FHOD3: variants seen among roughly 807,000 people sequenced by gnomAD.
The protein encoded by FHOD3 is formin homology 2 domain containing 3.
FHOD3 carries 90 observed loss-of-function variants against 173.0 expected under a neutral mutation model. That is an observed-to-expected ratio of 0.52 (90% CI 0.44 to 0.62). The LOEUF is 0.62. Among genes scored for constraint, FHOD3 ranks in the 20% least tolerant of loss-of-function variants. The pLI is 0.00. For missense variants in FHOD3, 1,945 were observed against 2,034.7 expected (o/e 0.96, Z 0.85); for synonymous variants, 828 against 823.0 (o/e 1.01, Z -0.10).
At chr18:36,338,196 A>T (rs1418274702) in intron 1 of FHOD3, among the ~76,000 whole-genome samples, 4 of 152,180 alleles carry the variant, frequency 2.6e-5, no homozygotes. Context: ...ATCATATTGC[A>T]TCTGAGGAAA....
At chr18:36,386,390 C>T (rs945586185) in intron 3 of FHOD3, among the ~76,000 whole-genome samples, 1 of 152,188 alleles carries the variant, frequency 6.6e-6, no homozygotes, top group South Asian at 2.1e-4. Context: ...CAGGTAGCGG[C>T]TCAGGGGCCT....
intron 3 of FHOD3, among the ~76,000 whole-genome samples, chr18:36,458,692 A>G (rs1371264684): frequency 7.1e-6 from 1 of 140,138 alleles, no homozygotes; most frequent in Non-Finnish European, 1.5e-5. Flanking sequence ...TTTTTTTGGA[A>G]AAATTTAAAC....
intron 5 of FHOD3, among the ~76,000 whole-genome samples, chr18:36,575,053 C>G (rs1056371315): frequency 5.9e-5 from 9 of 151,986 alleles, no homozygotes; most frequent in African/African-American, 2.2e-4. Context: ...TCACTGCCAC[C>G]TCCGCCTCCT....
At chr18:36,535,205 T>C (rs2056947467) in intron 5 of FHOD3, among the ~76,000 whole-genome samples, 2 of 152,136 alleles carry the variant, frequency 1.3e-5, no homozygotes, top group South Asian at 2.1e-4. Flanking sequence ...AGGTGAAATA[T>C]ATAGTTTTCA....
At chr18:36,453,260 T>C (rs1329567629) in intron 3 of FHOD3, among the ~76,000 whole-genome samples, 1 of 152,224 alleles carries the variant, frequency 6.6e-6, no homozygotes, top group Non-Finnish European at 1.5e-5. Context: ...CATCTCTGGG[T>C]ATAAAAATTT....
rs373907940 is a variant in FHOD3 at position 36,355,644 on chromosome 18, G to A, written c.271G>A (p.Gly91Arg). 47 of 1,613,516 alleles carry A rather than the reference G, an allele frequency of 2.9e-5. No homozygotes were observed. Among genetic ancestry groups the A allele is most frequent in the East Asian group, 1.8e-4 (8 of 44,874 alleles). Residue 91 changes from glycine (G) to arginine (R), a missense_variant and splice_region_variant, in exon 2 of 29, where the codon GGG (glycine) becomes AGG (arginine). Around this residue, in one of 5 missense-constraint regions of FHOD3, gnomAD observed 245 missense variants for 267.7 expected, o/e 0.92. Coordinates refer to ENST00000590592, the MANE Select transcript of FHOD3 (RefSeq NM_001281740.3). ...GTTGGAAGGCTTCCAGGATGACGCCGGGTAAGAGCAACTGTTCACCCTGCT... is the reference window on the plus strand; with the variant it reads ...GTTGGAAGGCTTCCAGGATGACGCCAGGTAAGAGCAACTGTTCACCCTGCT... ...DELEGFQDDAGRGKKHSIILR... is the reference protein window; with the variant it reads ...DELEGFQDDARRGKKHSIILR...
chr18:36,665,444 G>T (rs1317553197), intron 14 of FHOD3, among the ~76,000 whole-genome samples: 1 of 152,216 alleles, frequency 6.6e-6, no homozygotes, highest in Admixed American at 6.5e-5. Context: ...TCATAGGAGA[G>T]CTGAAAAGAG....
chr18:36,684,213 C>A (rs559489834), intron 15 of FHOD3, among the ~76,000 whole-genome samples: 1 of 152,090 alleles, frequency 6.6e-6, no homozygotes, highest in South Asian at 2.1e-4. Context: ...CGGTTGATTA[C>A]CTGCTAATAC....
At chr18:36,632,600 C>T (rs565281935) in intron 10 of FHOD3, among the ~76,000 whole-genome samples, 3 of 152,284 alleles carry the variant, frequency 2.0e-5, no homozygotes, top group South Asian at 4.2e-4. Context: ...GTGTCCAATT[C>T]GTGAGTCCCG....
intron 3 of FHOD3, among the ~76,000 whole-genome samples, chr18:36,408,520 A>G (rs1451446101): frequency 6.6e-6 from 1 of 152,120 alleles, no homozygotes; most frequent in African/African-American, 2.4e-5. Flanking sequence ...GTCTCATGGC[A>G]CTGAGTGGGA....
In FHOD3 at chr18:36,693,914, T is replaced by G. The variant is rs576651595; in HGVS notation, c.2236+491T>G. Among the ~76,000 whole-genome samples the G allele has an allele frequency of 5.9e-5, 9 of 152,254 alleles. No individual in the cohort carries two copies. The South Asian group carries it at 1.2e-3, about 21-fold the overall frequency. On this transcript the variant is annotated intron_variant, in intron 17 of 28. Coordinates refer to ENST00000590592, the MANE Select transcript of FHOD3 (RefSeq NM_001281740.3). ...ATGGAAGAAGGAAAATAATTCAAAT[T>G]GTAAAAATTACTGGCACATGGTTGG...
intron 1 of FHOD3, among the ~76,000 whole-genome samples, chr18:36,319,972 G>A (rs2044312214): frequency 6.6e-6 from 1 of 152,172 alleles, no homozygotes; most frequent in Non-Finnish European, 1.5e-5. Flanking sequence ...GAATCTCTGG[G>A]ACACATTTAA....
At chr18:36,359,805 G>T (rs537095274) in intron 2 of FHOD3, among the ~76,000 whole-genome samples, 1 of 152,226 alleles carries the variant, frequency 6.6e-6, no homozygotes, top group South Asian at 2.1e-4. Flanking sequence ...TCATAATACT[G>T]CCTCTTTGGG....
chr18:36,518,612 C>G (rs2056115116), intron 5 of FHOD3, among the ~76,000 whole-genome samples: 1 of 152,182 alleles, frequency 6.6e-6, no homozygotes, highest in Admixed American at 6.5e-5. Flanking sequence ...TGTGCCCTAT[C>G]TAACAGGTTT....
chr18:36,604,344 T>A (rs2031814816), intron 8 of FHOD3, among the ~76,000 whole-genome samples: 1 of 152,176 alleles, frequency 6.6e-6, no homozygotes, highest in Admixed American at 6.5e-5. Context: ...GGGATAAGTT[T>A]GTAGAAAGCA....
At chr18:36,324,220 A>G (rs1460137227) in intron 1 of FHOD3, among the ~76,000 whole-genome samples, 1 of 152,266 alleles carries the variant, frequency 6.6e-6, no homozygotes, top group Non-Finnish European at 1.5e-5. Context: ...CAGTATGTAC[A>G]AAACTCAATT....
chr18:36,706,627 C>T (rs2039894606), intron 17 of FHOD3, among the ~76,000 whole-genome samples: 1 of 152,180 alleles, frequency 6.6e-6, no homozygotes, highest in Admixed American at 6.5e-5. Flanking sequence ...TGGCAGTGCA[C>T]ACCCGCAGGC....
intron 3 of FHOD3, among the ~76,000 whole-genome samples, chr18:36,494,009 C>T (rs1430063169): frequency 2.0e-5 from 3 of 152,166 alleles, no homozygotes; most frequent in Admixed American, 2.0e-4. Flanking sequence ...ATCTTTCACT[C>T]CCCTACTTCC....
chr18:36,760,592 C>A lies in FHOD3; in HGVS notation c.4450-16C>A. The A allele has an allele frequency of 1.3e-6, 2 of 1,550,704 alleles. No homozygotes were observed. The highest frequency in any genetic ancestry group is 1.2e-5 in the South Asian group (1 of 83,614). On this transcript the variant is annotated splice_polypyrimidine_tract_variant and intron_variant, in intron 26 of 28. Coordinates refer to ENST00000590592, the MANE Select transcript of FHOD3 (RefSeq NM_001281740.3). The stretch of plus-strand genomic sequence containing the variant: ...GGGAGTCTCCCTCACCTGCTAACTT[C>A]CCCTTGGTTTTGCAGTCTGGCAAGT...
Sources: allele counts gnomAD v4.1 joint callset (sites outside exome capture counted in the v4.1 genomes callset), GRCh38; gene constraint gnomAD v4.1.1; regional missense constraint gnomAD v4.1.1; transcripts MANE v1.5; gene names NCBI Gene and HGNC (gene_info 2026-07-23, HGNC 2026-07-21).